Variants in E2F3 observed in about 807,000 individuals in gnomAD.
The protein encoded by E2F3 is transcription factor E2F3.
In E2F3, 11 loss-of-function variants were observed where a neutral mutation model predicts 44.4. That is an observed-to-expected ratio of 0.25 (90% CI 0.16 to 0.41). The LOEUF (loss-of-function observed/expected upper bound fraction) is 0.41, where lower values mean the gene tolerates loss of function less well. E2F3 is among the 10% of genes least tolerant of loss of function. The pLI is 1.00. For missense variants in E2F3, 487 were observed against 583.6 expected, an observed-to-expected ratio of 0.83 and a Z score of 1.70; for synonymous variants, 249 against 253.0, an observed-to-expected ratio of 0.98 and a Z score of 0.15.
At chr6:20,454,048 C>G (rs1761229455) in intron 1 of E2F3, among the ~76,000 whole-genome samples, 1 of 152,216 alleles carries the variant, frequency 6.6e-6, no homozygotes, top group Non-Finnish European at 1.5e-5. Context: ...TCTTAAGACC[C>G]TGTCTCCTTT....
At chr6:20,474,913 C>G (rs1199183077) in intron 1 of E2F3, among the ~76,000 whole-genome samples, 1 of 152,214 alleles carries the variant, frequency 6.6e-6, no homozygotes, top group Non-Finnish European at 1.5e-5. Context: ...GATAACCCAA[C>G]GGGAACCTCC....
Position 20,490,891 on chromosome 6 carries a change from G to T in E2F3, c.*461G>T. 1 of 228,746 alleles carries T rather than the reference G, an allele frequency of 4.4e-6. No homozygotes were observed. Among genetic ancestry groups the T allele is most frequent in the Admixed American group, 5.7e-5 (1 of 17,610 alleles). The allele number at this position is 228,746 out of a possible 1,614,324, so 14.2% of individuals were successfully genotyped here. On this transcript the variant is annotated 3_prime_UTR_variant, in exon 7 of 7. Coordinates refer to ENST00000346618, the MANE Select transcript of E2F3 (RefSeq NM_001949.5). This position sits in a 1 kb window ranked among gnomAD's most constrained non-coding sequence, Gnocchi z 4.3. ...GCATGTCTTTGAGGTCTGCTAATAT[G>T]GAATGGAACTGCAGCAAATGCAAAC...
At chr6:20,486,384 G>A (rs543304957) in intron 4 of E2F3, among the ~76,000 whole-genome samples, 308 of 152,112 alleles carry the variant, frequency 2.0e-3, no homozygotes, top group African/African-American at 4.7e-3. Context: ...GCCATTCTCC[G>A]GCCTCAGCCT....
Position 20,426,984 on chromosome 6 carries a change from G to A in E2F3, c.393+24359G>A, listed in dbSNP as rs950746923. ...TTCTTCAAATAGTCTATGGTTTATT[G>A]GCACCCCAAACCACCTATCCATACC... On this transcript the variant is annotated intron_variant, in intron 1 of 6. Coordinates refer to ENST00000346618, the MANE Select transcript of E2F3 (RefSeq NM_001949.5). 2.0e-5 allele frequency among the ~76,000 whole-genome samples: 3 copies of A among 152,054 alleles called. No homozygotes were observed. The East Asian group carries it at 5.8e-4, about 29-fold the overall frequency.
intron 1 of E2F3, among the ~76,000 whole-genome samples, chr6:20,461,953 C>T (rs1761523887): frequency 1.3e-5 from 2 of 152,192 alleles, no homozygotes; most frequent in African/African-American, 4.8e-5. Context: ...TTTTGCCAAC[C>T]TTGTAAGTGT....
At chr6:20,428,437 G>T (rs992349222) in intron 1 of E2F3, among the ~76,000 whole-genome samples, 1 of 152,122 alleles carries the variant, frequency 6.6e-6, no homozygotes, top group African/African-American at 2.4e-5. Flanking sequence ...TGGCCAGGCT[G>T]GTCTCGAACT....
chr6:20,467,756 T>C (rs919154874), intron 1 of E2F3, among the ~76,000 whole-genome samples: 4 of 152,188 alleles, frequency 2.6e-5, no homozygotes, highest in African/African-American at 9.7e-5. Context: ...ATATTTTGTT[T>C]TTTTCTTATT....
chr6:20,435,441 A>G (rs568273729), intron 1 of E2F3, among the ~76,000 whole-genome samples: 7 of 152,352 alleles, frequency 4.6e-5, no homozygotes, highest in African/African-American at 1.4e-4. Flanking sequence ...AAGATAGGGA[A>G]AAATAAGCAT....
chr6:20,456,230 C>A (rs1400661538), intron 1 of E2F3, among the ~76,000 whole-genome samples: 1 of 151,630 alleles, frequency 6.6e-6, no homozygotes, highest in Non-Finnish European at 1.5e-5. Flanking sequence ...ATTTTCTAGT[C>A]CTCTCTACAC....
In E2F3 at chr6:20,484,058, G is replaced by A. The variant is rs1762314124; in HGVS notation, c.884+1138G>A. Among the ~76,000 whole-genome samples, 5 of 152,216 alleles carry A rather than the reference G, an allele frequency of 3.3e-5. No individual in the cohort carries two copies. The South Asian group carries it at 1.0e-3, about 32-fold the overall frequency. On this transcript the variant is annotated intron_variant, in intron 4 of 6. Transcript: ENST00000346618. ...GGGTTTACAGGGGAAGAAACCAACAGTTGGGCTGTTTCATTCATTGTTTGG... is the reference window on the plus strand; with the variant it reads ...GGGTTTACAGGGGAAGAAACCAACAATTGGGCTGTTTCATTCATTGTTTGG...
chr6:20,436,732 T>G (rs1033042148), intron 1 of E2F3, among the ~76,000 whole-genome samples: 10 of 152,216 alleles, frequency 6.6e-5, no homozygotes, highest in Non-Finnish European at 1.2e-4. Flanking sequence ...GCCTGGGATT[T>G]AAGCCCTTGA....
At chr6:20,421,501 A>C (rs1760025986) in intron 1 of E2F3, 1 of 152,176 alleles carries the variant, frequency 6.6e-6, no homozygotes, top group African/African-American at 2.4e-5. Context: ...TCTCCATCAG[A>C]GTTTTTGTGT....
intron 1 of E2F3, among the ~76,000 whole-genome samples, chr6:20,428,184 C>A (rs1294803374): frequency 6.6e-6 from 1 of 152,118 alleles, no homozygotes; most frequent in Non-Finnish European, 1.5e-5. Flanking sequence ...CTCAGGCAGT[C>A]ATTTCTCTTT....
intron 1 of E2F3, among the ~76,000 whole-genome samples, chr6:20,428,755 G>C (rs1347830269): frequency 6.6e-6 from 1 of 152,186 alleles, no homozygotes; most frequent in African/African-American, 2.4e-5. Context: ...TCTTTAGGTA[G>C]ATAAATCTAT....
chr6:20,403,848 G>A, intron 1 of E2F3: 1 of 1,447,222 alleles, frequency 6.9e-7, no homozygotes, highest in Non-Finnish European at 9.2e-7. Context: ...TGACCGGGAC[G>A]GCTCGGGGGC....
intron 1 of E2F3, chr6:20,445,035 G>GAA: frequency 6.1e-6 from 6 of 982,266 alleles, no homozygotes; most frequent in Non-Finnish European, 7.3e-6. Flanking sequence ...GCCTGGCCAT[G>GAA]GTTTAAGCAT....
At chr6:20,421,576 A>G (rs1405997079) in intron 1 of E2F3, 12 of 152,230 alleles carry the variant, frequency 7.9e-5, no homozygotes, top group African/African-American at 2.7e-4. Flanking sequence ...AGCAGTAGTT[A>G]TCAACAATGG....
chr6:20,402,518 G>C lies in E2F3; in HGVS notation c.286G>C (p.Gly96Arg), dbSNP rs757174421. ...PSAPGAEQTAGSLLYTTPHGP... is the reference protein window; with the variant it reads ...PSAPGAEQTARSLLYTTPHGP... ...TGCCCCCGGCGCGGAGCAGACCGCC[G>C]GCAGCCTCCTCTACACCACGCCGCA... The change falls in exon 1 of 7, where the codon GGC becomes CGC. Residue 96 changes from glycine to arginine, a missense_variant. Gly to Arg is a moderately radical substitution (Grantham distance 125). Around this residue, in one of 3 missense-constraint regions of E2F3, gnomAD observed 238 missense variants for 236.0 expected, o/e 1.01. Transcript: ENST00000346618. This position sits in a 1 kb window ranked among gnomAD's most constrained non-coding sequence, Gnocchi z 5.6. 2 of 1,601,568 alleles carry C rather than the reference G, an allele frequency of 1.2e-6. No homozygotes were observed. Among genetic ancestry groups the C allele is most frequent in the African/African-American group, 1.3e-5 (1 of 74,610 alleles).
At chr6:20,427,049 T>C (rs1474352854) in intron 1 of E2F3, among the ~76,000 whole-genome samples, 1 of 152,206 alleles carries the variant, frequency 6.6e-6, no homozygotes, top group Admixed American at 6.5e-5. Flanking sequence ...TGGGGTAATA[T>C]ATGTGTAAAA....
Sources: gnomAD v4.1 joint callset for allele counts (sites outside exome capture counted in the v4.1 genomes callset) on GRCh38, gnomAD v4.1.1 for gene constraint, gnomAD v4.1.1 regional missense constraint, Gnocchi (gnomAD v3.1) non-coding constraint, MANE v1.5 for transcripts, NCBI Gene and HGNC (gene_info 2026-07-23, HGNC 2026-07-21) for gene names.